Variants in CPLANE1 observed in about 807,000 individuals in gnomAD.
CPLANE1 encodes the protein ciliogenesis and planar polarity effector 1.
A neutral mutation model predicts 362.5 loss-of-function variants in CPLANE1; 263 were observed. The ratio of observed to expected loss-of-function variants is 0.73; its 90% confidence interval spans 0.66 to 0.80. CPLANE1 has a LOEUF of 0.80. CPLANE1 is among the 30% of genes least tolerant of loss of function. The probability of loss-of-function intolerance (pLI) is 0.00; values close to 1 mark genes in which losing one functional copy is unlikely to be tolerated. For synonymous variants in CPLANE1, 1,212 were observed against 1,302.6 expected, an observed-to-expected ratio of 0.93 and a Z score of 1.50; for missense variants, 3,461 against 3,793.4, an observed-to-expected ratio of 0.91 and a Z score of 2.30.
intron 4 of CPLANE1, 21 bp from the exon 5 acceptor site, chr5:37,244,628 GTAAT>G (rs1301349629): frequency 7.0e-7 from 1 of 1,422,324 alleles, no homozygotes; most frequent in Non-Finnish European, 9.5e-7. Context: ...AACAAAAAAA[GTAAT>G]TAAGCCTCTG....
rs1382905527 is a variant in CPLANE1 at position 37,227,552 on chromosome 5, T to TA, written c.1371+15dup. ...AAAAAGGCAACTTTCCCCAATGATA[T>TA]AAAAAAGCACTATACCTTAGACAAT... On this transcript the variant is annotated intron_variant, in intron 10 of 52. Transcript: ENST00000651892. 6.6e-7 allele frequency: 1 copy of TA among 1,515,324 alleles called. No homozygotes were observed. Among genetic ancestry groups the TA allele is most frequent in the East Asian group, 2.5e-5 (1 of 40,554 alleles). The allele number at this position is 1,515,324 out of a possible 1,614,324, so 93.9% of individuals were successfully genotyped here.
rs943543766 is a variant in CPLANE1 at position 37,177,616 on chromosome 5, C to T, written c.5900+5G>A. The T allele has an allele frequency of 6.2e-7, 1 of 1,609,804 alleles. No homozygotes were observed. The highest frequency in any genetic ancestry group is 8.5e-7 in the Non-Finnish European group (1 of 1,176,756). On this transcript the variant is annotated splice_donor_5th_base_variant and intron_variant, in intron 30 of 52. Transcript: ENST00000651892. ...CAATCACTGTCATACTTTTTTCCCC[C>T]TTACCCTTTTTGTTCAGTCGATTTT...
rs146484591 is a variant in CPLANE1, at chr5:37,125,838, T to A, written c.8793-429A>T. Among the ~76,000 whole-genome samples, 1,495 of 152,366 alleles carry A rather than the reference T, an allele frequency of 9.8e-3. 29 individuals carry two copies. Among genetic ancestry groups the A allele is most frequent in the African/African-American group, 0.034 (1,412 of 41,588 alleles). On this transcript the variant is annotated intron_variant, in intron 46 of 52. Coordinates refer to ENST00000651892, the MANE Select transcript of CPLANE1 (RefSeq NM_001384732.1). Reference sequence around the variant, plus strand: ...TATTTATAGAGTACATGAGATATTTTGATACAGGTATGCAATGCATAATAA... The same window carrying A: ...TATTTATAGAGTACATGAGATATTTAGATACAGGTATGCAATGCATAATAA...
chr5:37,182,102 A>G (rs937944683), intron 26 of CPLANE1, among the ~76,000 whole-genome samples: 2 of 152,116 alleles, frequency 1.3e-5, no homozygotes, highest in African/African-American at 4.8e-5. Flanking sequence ...AAAAAAAACA[A>G]AAAACAAAAC....
In CPLANE1 at chr5:37,128,764, C is replaced by G. The variant is rs532775456; in HGVS notation, c.8793-3355G>C. Reference sequence around the variant, plus strand: ...ATCCCAGCTACTAGGGAGGCTGAGGCAGAAAAATTGCTTGAACCCAGGAGG... The same window carrying G: ...ATCCCAGCTACTAGGGAGGCTGAGGGAGAAAAATTGCTTGAACCCAGGAGG... On this transcript the variant is annotated intron_variant, in intron 46 of 52. Coordinates refer to ENST00000651892, the MANE Select transcript of CPLANE1 (RefSeq NM_001384732.1). Among the ~76,000 whole-genome samples the G allele has an allele frequency of 4.6e-5, 7 of 151,608 alleles. No homozygotes were observed. In the South Asian group the frequency reaches 1.0e-3, roughly 23 times the overall value.
chr5:37,225,109 T>TG (rs904604692), intron 12 of CPLANE1, among the ~76,000 whole-genome samples: 58 of 151,838 alleles, frequency 3.8e-4, no homozygotes, highest in African/African-American at 1.4e-3. Context: ...CTTGCTCTGT[T>TG]GCCAGGCTGA....
At chr5:37,243,824 A>G (rs1581048020) in intron 5 of CPLANE1, among the ~76,000 whole-genome samples, 1 of 146,806 alleles carries the variant, frequency 6.8e-6, no homozygotes, top group East Asian at 2.0e-4. Flanking sequence ...TACGATATAT[A>G]TTATATACGT....
chr5:37,233,697 G>A (rs1228034217), intron 8 of CPLANE1, among the ~76,000 whole-genome samples: 1 of 151,756 alleles, frequency 6.6e-6, no homozygotes, highest in Admixed American at 6.6e-5. Flanking sequence ...ATACCCAGGG[G>A]CCTGAGAAAC....
At chr5:37,129,748 T>A (rs1765226574) in intron 46 of CPLANE1, among the ~76,000 whole-genome samples, 2 of 152,154 alleles carry the variant, frequency 1.3e-5, no homozygotes, top group African/African-American at 4.8e-5. Flanking sequence ...AAATAATAGA[T>A]GTTGGCAGGG....
chr5:37,213,659 C>T lies in CPLANE1; in HGVS notation c.2820G>A (p.Gln940=). The T allele has an allele frequency of 1.9e-6, 3 of 1,544,748 alleles. No individual in the cohort carries two copies. Among genetic ancestry groups the T allele is most frequent in the Non-Finnish European group, 2.6e-6 (3 of 1,142,626 alleles). ...AGGCAGCCATGAAACGAGCCATGGA[C>T]TGGACGACTCTCACTGCTGCCTCAG... is the stretch of plus-strand genomic sequence containing the variant. ...VHPEAAVRVV[Q]SMARFMAAYF... is the part of the protein sequence containing the mutation. Residue 940 remains glutamine (Q), a synonymous_variant, in exon 16 of 53, where the codon CAG becomes CAA. Transcript: ENST00000651892.
At chr5:37,127,499 TTC>T (rs1219633412) in intron 46 of CPLANE1, among the ~76,000 whole-genome samples, 5 of 151,880 alleles carry the variant, frequency 3.3e-5, no homozygotes, top group Non-Finnish European at 5.9e-5. Flanking sequence ...TAAAACTGCA[TTC>T]TCTTTTTTAT....
the CPLANE1 span, among the ~76,000 whole-genome samples, chr5:37,100,722 G>T: frequency 6.6e-6 from 1 of 152,138 alleles, no homozygotes; most frequent in African/African-American, 2.4e-5. Context: ...CTACTTCCAT[G>T]ATATTGATTC....
intron 23 of CPLANE1, among the ~76,000 whole-genome samples, chr5:37,187,027 C>T (rs1452309940): frequency 2.3e-5 from 3 of 132,218 alleles, no homozygotes; most frequent in African/African-American, 9.1e-5. Context: ...CGCCACTGCA[C>T]TCTAGCCTGG....
At chr5:37,195,121 C>T (rs1484725355) in intron 21 of CPLANE1, among the ~76,000 whole-genome samples, 1 of 147,636 alleles carries the variant, frequency 6.8e-6, no homozygotes, top group East Asian at 2.0e-4. Context: ...CGCCACTGCA[C>T]TCCAGCCTGG....
In CPLANE1 at chr5:37,206,341, A is replaced by G; in HGVS notation, c.3005T>C (p.Val1002Ala). 1.3e-6 allele frequency: 2 copies of G among 1,551,640 alleles called. No homozygotes were observed. The highest frequency in any genetic ancestry group is 8.7e-7 in the Non-Finnish European group (1 of 1,146,890). Residue 1002 changes from valine to alanine, a missense_variant, in exon 17 of 53, where the codon GTT (valine) becomes GCT (alanine). By Grantham distance (64) the Val-to-Ala change is moderately conservative. Transcript: ENST00000651892. ...AAATAGTAATTCAAGTGCATATTCAACTGTCCACACATTAGAGAGATTCTG... is the reference window on the plus strand; with the variant it reads ...AAATAGTAATTCAAGTGCATATTCAGCTGTCCACACATTAGAGAGATTCTG... Reference protein sequence around the residue: ...RDQNLSNVWTVEYALELLFIG... With the variant: ...RDQNLSNVWTAEYALELLFIG...
rs1326697933 is a variant in CPLANE1 at position 37,239,871 on chromosome 5, T to TA, written c.678-3dup. On this transcript the variant is annotated splice_region_variant and splice_polypyrimidine_tract_variant and intron_variant, in intron 6 of 52. Transcript: ENST00000651892. ...CAATGAACATGGTATGGCAATGATCTAAAAAAGTAATGAAATAATTGAAAA... is the reference window on the plus strand; with the variant it reads ...CAATGAACATGGTATGGCAATGATCTAAAAAAAGTAATGAAATAATTGAAAA... The TA allele has an allele frequency of 2.7e-6, 4 of 1,454,844 alleles. No homozygotes were observed. Among genetic ancestry groups the TA allele is most frequent in the East Asian group, 5.1e-5 (2 of 39,290 alleles). The allele number at this position is 1,454,844 out of a possible 1,614,324, so 90.1% of individuals were successfully genotyped here.
In CPLANE1 at chr5:37,203,975, C is replaced by T. The variant is rs866889575; in HGVS notation, c.3289+1340G>A. The stretch of plus-strand genomic sequence containing the variant: ...TTCTGACCTCTGGCAATTCCCCTTA[C>T]TTTATTTAAAGCTTGGCCTTTAAGT... On this transcript the variant is annotated intron_variant, in intron 18 of 52. Transcript: ENST00000651892. 2.6e-5 allele frequency among the ~76,000 whole-genome samples: 4 copies of T among 152,302 alleles called. 1 individual carries two copies. The highest frequency in any genetic ancestry group is 6.8e-3 in the Middle Eastern group (2 of 292).
At chr5:37,132,352 T>G (rs1435728333) in intron 46 of CPLANE1, among the ~76,000 whole-genome samples, 1 of 141,674 alleles carries the variant, frequency 7.1e-6, no homozygotes, top group East Asian at 2.0e-4. Flanking sequence ...TTTTTTTTTT[T>G]TTTTTTTTTT....
Position 37,247,693 on chromosome 5 carries a change from C to G in CPLANE1, c.6G>C (p.Glu2Asp). The change falls in exon 2 of 53, where the codon GAG becomes GAC. Residue 2 changes from glutamate to aspartate, a missense_variant. By Grantham distance (45) the Glu-to-Asp change is conservative (BLOSUM62 2). Coordinates refer to ENST00000651892, the MANE Select transcript of CPLANE1 (RefSeq NM_001384732.1). ...TTGATGTCAAGATTTCTAATCTTAT[C>G]TCCATGTTTGTTAAGCTATCAATGA... Reference protein sequence around the residue: MEIRLEILTSTG... With the variant: MDIRLEILTSTG... 6.5e-7 allele frequency: 1 copy of G among 1,548,724 alleles called. No homozygotes were observed. The highest frequency in any genetic ancestry group is 1.2e-5 in the South Asian group (1 of 83,626).
Sources: allele counts gnomAD v4.1 joint callset (sites outside exome capture counted in the v4.1 genomes callset), GRCh38; gene constraint gnomAD v4.1.1; transcripts MANE v1.5; gene names NCBI Gene and HGNC (gene_info 2026-07-23, HGNC 2026-07-21).